AK9: variants seen among roughly 807,000 people sequenced by gnomAD.
AK9 encodes the protein adenylate kinase domain containing 1.
Under a neutral mutation model 239.6 loss-of-function variants are expected in AK9, and 191 were observed. That is an observed-to-expected ratio of 0.80 (90% CI 0.71 to 0.90). The LOEUF (loss-of-function observed/expected upper bound fraction) is 0.90, where lower values mean the gene tolerates loss of function less well. Ranked by LOEUF, AK9 falls within the 40% of genes least tolerant of loss-of-function variation. AK9 has a pLI of 0.00. For missense variants in AK9, 1,995 were observed against 2,214.7 expected, an observed-to-expected ratio of 0.90 and a Z score of 1.99; for synonymous variants, 689 against 721.0, an observed-to-expected ratio of 0.96 and a Z score of 0.71.
chr6:109,526,385 A>G (rs1298651562), intron 29 of AK9, among the ~76,000 whole-genome samples: 1 of 152,174 alleles, frequency 6.6e-6, no homozygotes, highest in East Asian at 1.9e-4. Flanking sequence ...ATATATTCAA[A>G]TAATCCAAGG....
intron 12 of AK9, among the ~76,000 whole-genome samples, chr6:109,625,501 G>A (rs1370642523): frequency 2.0e-5 from 3 of 152,222 alleles, no homozygotes; most frequent in African/African-American, 4.8e-5. Flanking sequence ...AGCGGTCGAT[G>A]AGCGTTACTG....
chr6:109,588,937 T>C (rs1334021452), intron 17 of AK9, among the ~76,000 whole-genome samples: 1 of 152,192 alleles, frequency 6.6e-6, no homozygotes, highest in Non-Finnish European at 1.5e-5. Flanking sequence ...AATCTAAGTG[T>C]CTTTTTAAAA....
intron 32 of AK9, among the ~76,000 whole-genome samples, chr6:109,511,709 A>G (rs1453859089): frequency 1.3e-5 from 2 of 152,238 alleles, no homozygotes; most frequent in African/African-American, 4.8e-5. Flanking sequence ...GGACCACCCA[A>G]TAAAGAAGTT....
At chr6:109,497,160 T>C (rs1362646085) in intron 38 of AK9, among the ~76,000 whole-genome samples, 1 of 151,922 alleles carries the variant, frequency 6.6e-6, no homozygotes, top group African/African-American at 2.4e-5. Context: ...TCCCACTCCT[T>C]ATCCTGACCT....
chr6:109,500,119 A>T (rs927812183), intron 35 of AK9, among the ~76,000 whole-genome samples: 18 of 151,720 alleles, frequency 1.2e-4, no homozygotes, highest in African/African-American at 4.3e-4. Context: ...TGCTACATTT[A>T]AAAAAAACCT....
intron 12 of AK9, among the ~76,000 whole-genome samples, chr6:109,629,449 T>C (rs1383900427): frequency 1.3e-5 from 2 of 152,144 alleles, no homozygotes; most frequent in Non-Finnish European, 2.9e-5. Context: ...AAAATGGCCT[T>C]TCTTAGGGCC....
chr6:109,615,616 T>G (rs2128243579), intron 13 of AK9, among the ~76,000 whole-genome samples: 1 of 152,324 alleles, frequency 6.6e-6, no homozygotes, highest in East Asian at 1.9e-4. Context: ...CTGGTCTTTT[T>G]GTTGTTTTTT....
At position 109,492,947 on chromosome 6, in the gene AK9, A is replaced by G. The variant is rs1776676743; in HGVS notation, c.*422T>C. 6.4e-6 allele frequency: 1 copy of G among 155,484 alleles called. No individual in the cohort carries two copies. The highest frequency in any genetic ancestry group is 2.0e-4 in the South Asian group (1 of 5,080). 9.6% of individuals were successfully genotyped at this position (155,484 alleles called of 1,614,324 possible). On this transcript the variant is annotated 3_prime_UTR_variant, in exon 41 of 41. Transcript: ENST00000424296. Reference sequence around the variant, plus strand: ...AACAGTTTTGTATGTAAAATGTATAACCCATATTTTGGTTTCATTTATAAC... The same window carrying G: ...AACAGTTTTGTATGTAAAATGTATAGCCCATATTTTGGTTTCATTTATAAC...
chr6:109,612,926 T>C (rs1460416803), intron 15 of AK9, among the ~76,000 whole-genome samples: 1 of 149,308 alleles, frequency 6.7e-6, no homozygotes, highest in African/African-American at 2.4e-5. Context: ...TAAATTTATG[T>C]ATATAAAGCT....
intron 35 of AK9, among the ~76,000 whole-genome samples, chr6:109,500,292 T>C (rs1338935435): frequency 6.6e-6 from 1 of 152,148 alleles, no homozygotes; most frequent in Non-Finnish European, 1.5e-5. Flanking sequence ...AGTGCCCAAG[T>C]TCCTTTAATG....
chr6:109,672,986 T>C (rs2128337763), intron 3 of AK9, among the ~76,000 whole-genome samples: 1 of 152,320 alleles, frequency 6.6e-6, no homozygotes, highest in African/African-American at 2.4e-5. Flanking sequence ...AAGAGGGGTC[T>C]TGAGGCTGAA....
chr6:109,542,157 T>C lies in AK9; in HGVS notation c.3240A>G (p.Gln1080=), dbSNP rs762804112. The C allele has an allele frequency of 1.9e-6, 3 of 1,594,502 alleles. No homozygotes were observed. The highest frequency in any genetic ancestry group is 4.5e-5 in the East Asian group (2 of 44,710). ...TGATTACTTCTTCTTCTTCTGTAAG[T>C]TGTACTTCTGGAAGCTAAAAACAAA... is the stretch of plus-strand genomic sequence containing the variant. The part of the protein sequence containing the change: ...ENTKKQLPEV[Q]LTEEEEVIKS... Residue 1080 remains glutamine (Q), a synonymous_variant, in exon 27 of 41, where the codon CAA becomes CAG. Transcript: ENST00000424296.
intron 32 of AK9, among the ~76,000 whole-genome samples, chr6:109,509,769 G>A (rs1778496463): frequency 6.6e-6 from 1 of 152,120 alleles, no homozygotes; most frequent in South Asian, 2.1e-4. Flanking sequence ...CTGCTCCATG[G>A]AGCAGGCAGG....
chr6:109,632,862 C>CACAGATAG (rs146518695), intron 12 of AK9, 61 bp downstream of exon 12: 2 of 1,253,704 alleles, frequency 1.6e-6, no homozygotes, highest in Admixed American at 5.4e-5. Flanking sequence ...GACAGATAGA[C>CACAGATAG]ATAGATAGAT....
intron 17 of AK9, among the ~76,000 whole-genome samples, chr6:109,599,977 G>T (rs544475933): frequency 6.6e-6 from 1 of 152,256 alleles, no homozygotes; most frequent in East Asian, 1.9e-4. Flanking sequence ...GAGATTTTGG[G>T]CTGAGACGAT....
intron 25 of AK9, among the ~76,000 whole-genome samples, chr6:109,547,975 T>C (rs1783812598): frequency 1.3e-5 from 2 of 151,430 alleles, no homozygotes. Context: ...ATATCACTAA[T>C]CATCAGGGAA....
intron 31 of AK9, 135 bp from the exon 32 acceptor site, chr6:109,514,572 A>C: frequency 1.3e-6 from 1 of 754,868 alleles, no homozygotes; most frequent in Non-Finnish European, 2.1e-6. Context: ...AATTATAATC[A>C]AAGGTTAATA....
At chr6:109,621,948 AAAAAC>A (rs1794902903) in intron 12 of AK9, among the ~76,000 whole-genome samples, 1 of 132,066 alleles carries the variant, frequency 7.6e-6, no homozygotes, top group African/African-American at 2.7e-5. Context: ...CCAGAGCAAA[AAAAAC>A]AAAAAAAAAA....
chr6:109,632,352 C>G, intron 12 of AK9: 1 of 973,486 alleles, frequency 1.0e-6, no homozygotes, highest in Non-Finnish European at 1.2e-6. Context: ...TAGAATTCCT[C>G]CACATTCCAA....
Sources: allele counts gnomAD v4.1 joint callset (sites outside exome capture counted in the v4.1 genomes callset), GRCh38; gene constraint gnomAD v4.1.1; transcripts MANE v1.5; gene names NCBI Gene and HGNC (gene_info 2026-07-23, HGNC 2026-07-21).